ZCCHC14: variants seen among roughly 807,000 people sequenced by gnomAD.
ZCCHC14 encodes the protein zinc finger CCHC domain-containing protein 14.
In ZCCHC14, 16 loss-of-function variants were observed where a neutral mutation model predicts 85.0. The ratio of observed to expected loss-of-function variants is 0.19; its 90% confidence interval spans 0.13 to 0.29. ZCCHC14 has a LOEUF of 0.29. ZCCHC14 is among the 10% of genes least tolerant of loss of function. The pLI, the probability that ZCCHC14 is intolerant of heterozygous loss-of-function variation, is 1.00. For synonymous variants in ZCCHC14, 775 were observed against 630.7 expected (o/e 1.23, Z -3.43); for missense variants, 1,303 against 1,443.5 (o/e 0.90, Z 1.58).
At chr16:87,431,071 C>T (rs373920601) in intron 3 of ZCCHC14, among the ~76,000 whole-genome samples, 2 of 151,566 alleles carry the variant, frequency 1.3e-5, no homozygotes, top group South Asian at 4.2e-4. Flanking sequence ...CCCAGGAGAT[C>T]GAGGCTGTAG....
rs911220249 is a variant in ZCCHC14, at chr16:87,410,024, A to G, written c.*256T>C. 5.6e-6 allele frequency: 2 copies of G among 356,034 alleles called. No individual in the cohort carries two copies. The highest frequency in any genetic ancestry group is 1.0e-5 in the Non-Finnish European group (2 of 197,992). The allele number at this position is 356,034 out of a possible 1,614,324, so 22.1% of individuals were successfully genotyped here. A position where few individuals can be genotyped will look rare whatever the true frequency, so the allele number is the denominator to read the frequency against. On this transcript the variant is annotated 3_prime_UTR_variant, in exon 13 of 13. Transcript: ENST00000671377. The stretch of plus-strand genomic sequence containing the variant: ...GACATGGCGTCTCTGCACTGCAACC[A>G]AAAGTGGAGGTGGCCGATCTCACCA...
chr16:87,413,778 G>A (rs115147857), intron 10 of ZCCHC14, among the ~76,000 whole-genome samples: 103 of 144,178 alleles, frequency 7.1e-4, no homozygotes, highest in African/African-American at 2.5e-3. Context: ...AACATTAAAG[G>A]CACTGACTTA....
intron 2 of ZCCHC14, among the ~76,000 whole-genome samples, chr16:87,451,554 A>G (rs117371758): frequency 0.016 from 2,470 of 152,342 alleles, 25 homozygotes; most frequent in Middle Eastern, 0.048. Context: ...GCCTTAGGAA[A>G]GTCACTTATT....
intron 2 of ZCCHC14, among the ~76,000 whole-genome samples, chr16:87,445,774 A>G (rs1174703854): frequency 6.6e-6 from 1 of 152,150 alleles, no homozygotes; most frequent in Non-Finnish European, 1.5e-5. Context: ...TATCACAAAC[A>G]TTTTTCCAGA....
chr16:87,485,277 A>C (rs529609822), intron 1 of ZCCHC14, among the ~76,000 whole-genome samples: 66 of 152,210 alleles, frequency 4.3e-4, no homozygotes, highest in Non-Finnish European at 8.1e-4. Context: ...TTCTCACTTT[A>C]AGTAGCTTCA....
chr16:87,451,899 T>C (rs916311861), intron 2 of ZCCHC14, among the ~76,000 whole-genome samples: 1 of 152,232 alleles, frequency 6.6e-6, no homozygotes, highest in Non-Finnish European at 1.5e-5. Context: ...TGTGATACTT[T>C]CTAGCTCACG....
chr16:87,451,303 T>G (rs1327467707), intron 2 of ZCCHC14, among the ~76,000 whole-genome samples: 1 of 151,312 alleles, frequency 6.6e-6, no homozygotes, highest in African/African-American at 2.4e-5. Context: ...TTCAAGCAAC[T>G]CTCCTGCCTT....
intron 1 of ZCCHC14, among the ~76,000 whole-genome samples, chr16:87,477,153 C>CAAAAAAAAAAAAAAAAAAAAAAAAAAAA (rs1412376609): frequency 8.6e-6 from 1 of 116,218 alleles, no homozygotes; most frequent in African/African-American, 4.5e-5. Context: ...AAAACAAAAC[C>CAAAAAAAAAAAAAAAAAAAAAAAAAAAA]AAAAAAAAAT....
chr16:87,477,960 G>C (rs1181201543), intron 1 of ZCCHC14, among the ~76,000 whole-genome samples: 3 of 150,544 alleles, frequency 2.0e-5, no homozygotes, highest in African/African-American at 7.4e-5. Flanking sequence ...TCCACACATC[G>C]CTCCCGAGTC....
intron 1 of ZCCHC14, chr16:87,467,045 G>GTT (rs11313580): frequency 8.3e-4 from 233 of 279,438 alleles, no homozygotes; most frequent in African/African-American, 1.9e-3. Context: ...AAAAAAAATT[G>GTT]TTTTTTTTTT....
rs999673345 is a variant in ZCCHC14 at position 87,412,271 on chromosome 16, T to C, written c.2450A>G (p.Asn817Ser). 3 of 1,613,770 alleles carry C rather than the reference T, an allele frequency of 1.9e-6. No individual in the cohort carries two copies. In the African/African-American group the frequency reaches 4.0e-5, roughly 22 times the overall value. Residue 817 changes from asparagine (N) to serine (S), a missense_variant, in exon 12 of 13, where the codon AAC becomes AGC. Coordinates refer to ENST00000671377, the MANE Select transcript of ZCCHC14 (RefSeq NM_015144.3). The part of the protein sequence containing the change: ...INPRTALYTA[N>S]TKVAFSAMSS... ...CATTGCAGAAAAGGCAACTTTGGTG[T>C]TGGCTGTGTACAGAGCAGTCCGGGG...
intron 2 of ZCCHC14, among the ~76,000 whole-genome samples, chr16:87,435,363 G>A (rs1909870378): frequency 1.3e-5 from 2 of 152,238 alleles, no homozygotes; most frequent in East Asian, 1.9e-4. Flanking sequence ...GCTGGGCGGT[G>A]TGCTCCCAGA....
intron 6 of ZCCHC14, among the ~76,000 whole-genome samples, 191 bp from the exon 7 acceptor site, chr16:87,419,092 G>A (rs1908951439): frequency 1.3e-5 from 2 of 151,924 alleles, no homozygotes; most frequent in Non-Finnish European, 2.9e-5. Flanking sequence ...GAGTAGCTGG[G>A]ACTACAGGCG....
chr16:87,474,605 G>C (rs1181728320), intron 1 of ZCCHC14, among the ~76,000 whole-genome samples: 2 of 152,146 alleles, frequency 1.3e-5, no homozygotes, highest in Non-Finnish European at 2.9e-5. Context: ...CCTGTGCCCA[G>C]AGCGAGCTGA....
chr16:87,492,331 C>A lies in ZCCHC14; in HGVS notation c.-93G>T, dbSNP rs1244315056. The stretch of plus-strand genomic sequence containing the variant: ...GGCCGCGGCCGGGGCGCGCCGGGAC[C>A]GGGGACGCGCGGGCCGGGGCCGGGT... On this transcript the variant is annotated 5_prime_UTR_variant, in exon 1 of 13. Coordinates refer to ENST00000671377, the MANE Select transcript of ZCCHC14 (RefSeq NM_015144.3). The surrounding 1 kb of genome is among the most constrained non-coding windows in gnomAD (Gnocchi z 6.7). 26 of 406,552 alleles carry A rather than the reference C, an allele frequency of 6.4e-5. No individual in the cohort carries two copies. Among genetic ancestry groups the A allele is most frequent in the Non-Finnish European group, 7.5e-5 (23 of 306,104 alleles). The allele number at this position is 406,552 out of a possible 1,614,324, so 25.2% of individuals were successfully genotyped here. A position where few individuals can be genotyped will look rare whatever the true frequency, so the allele number is the denominator to read the frequency against.
intron 2 of ZCCHC14, among the ~76,000 whole-genome samples, chr16:87,459,450 T>C (rs1911145915): frequency 1.3e-5 from 2 of 151,580 alleles, no homozygotes; most frequent in Admixed American, 6.6e-5. Context: ...GTTCAAGCAA[T>C]TCTCCTGCCT....
chr16:87,470,721 G>A (rs1911738899), intron 1 of ZCCHC14: 2 of 152,216 alleles, frequency 1.3e-5, no homozygotes, highest in Admixed American at 6.5e-5. Context: ...ATGTCCAGAT[G>A]ACTGAATATT....
At chr16:87,415,201 T>C (rs546950963) in intron 9 of ZCCHC14, 75 bp downstream of exon 9, 7 of 1,332,040 alleles carry the variant, frequency 5.3e-6, no homozygotes, top group African/African-American at 4.3e-5. Flanking sequence ...TATTTAGCAC[T>C]GGAAGCCTCA....
intron 1 of ZCCHC14, among the ~76,000 whole-genome samples, chr16:87,468,397 A>C (rs948564053): frequency 9.2e-5 from 14 of 151,986 alleles, no homozygotes; most frequent in Admixed American, 5.9e-4. Flanking sequence ...TGTGTTGTGC[A>C]TGTTCATTCA....
Sources: allele counts gnomAD v4.1 joint callset (sites outside exome capture counted in the v4.1 genomes callset), GRCh38; gene constraint gnomAD v4.1.1; non-coding constraint Gnocchi (gnomAD v3.1); transcripts MANE v1.5; gene names NCBI Gene and HGNC (gene_info 2026-07-23, HGNC 2026-07-21).